The following NARS2 variants were observed in gnomAD, a reference collection of about 807,000 sequenced individuals.
NARS2 encodes the protein asparaginyl-tRNA synthetase 2, mitochondrial.
Under a neutral mutation model 62.9 loss-of-function variants are expected in NARS2, and 60 were observed. The observed-to-expected ratio is 0.95, with a 90% CI of 0.77 to 1.18. The LOEUF (loss-of-function observed/expected upper bound fraction) is 1.18. Ranked by LOEUF, NARS2 falls within the 50% of genes most tolerant of loss-of-function variation. NARS2 has a pLI of 0.00. For synonymous variants in NARS2, 196 were observed against 200.0 expected (o/e 0.98, Z 0.17); for missense variants, 619 against 576.4 (o/e 1.07, Z -0.76).
chr11:78,531,671 A>G (rs982911098), intron 5 of NARS2, among the ~76,000 whole-genome samples: 1 of 152,248 alleles, frequency 6.6e-6, no homozygotes, highest in African/African-American at 2.4e-5. Flanking sequence ...AATATCATTC[A>G]GCCATAAGGA....
chr11:78,450,132 A>G (rs1432891761), intron 11 of NARS2, among the ~76,000 whole-genome samples: 2 of 152,232 alleles, frequency 1.3e-5, no homozygotes, highest in East Asian at 1.9e-4. Context: ...AGGGAGAAGC[A>G]CAAACTATAT....
At chr11:78,524,390 C>T (rs867359478) in intron 6 of NARS2, among the ~76,000 whole-genome samples, 1 of 27,008 alleles carries the variant, frequency 3.7e-5, no homozygotes, top group Non-Finnish European at 3.5e-4. Context: ...TTTATTCCAA[C>T]AACAACAGTC....
At chr11:78,458,921 G>GT (rs1858275117) in intron 11 of NARS2, among the ~76,000 whole-genome samples, 1 of 149,784 alleles carries the variant, frequency 6.7e-6, no homozygotes, top group Non-Finnish European at 1.5e-5. Context: ...TTTTTTGTTT[G>GT]TTTGTTTGTT....
At chr11:78,441,436 G>C (rs1431813866) in intron 12 of NARS2, among the ~76,000 whole-genome samples, 2 of 152,178 alleles carry the variant, frequency 1.3e-5, no homozygotes, top group African/African-American at 4.8e-5. Context: ...ATTAGGCAGG[G>C]TGCAGCGGCT....
intron 7 of NARS2, among the ~76,000 whole-genome samples, chr11:78,487,550 A>T (rs1328599894): frequency 6.6e-6 from 1 of 152,136 alleles, no homozygotes; most frequent in Non-Finnish European, 1.5e-5. Flanking sequence ...TACGTAAAGA[A>T]ATAATGGCTG....
chr11:78,469,252 G>A lies in NARS2; in HGVS notation c.1021C>T (p.Pro341Ser). 1 of 1,606,872 alleles carries A rather than the reference G, an allele frequency of 6.2e-7. No homozygotes were observed. The highest frequency in any genetic ancestry group is 2.2e-5 in the East Asian group (1 of 44,788). ...KQASQNFTFT[P>S]EWGADLRTEH... Reference sequence around the variant, plus strand: ...ACATACACACAAAATACTACCTCTGGGGTAAAGGTGAAGTTCTGGGATGCT... The same window carrying A: ...ACATACACACAAAATACTACCTCTGAGGTAAAGGTGAAGTTCTGGGATGCT... Residue 341 changes from proline to serine, a missense_variant, in exon 10 of 14, where the codon CCA becomes TCA. Physicochemically the swap from Pro to Ser is moderately conservative, Grantham distance 74 (BLOSUM62 -1). Coordinates refer to ENST00000281038, the MANE Select transcript of NARS2 (RefSeq NM_024678.6).
intron 5 of NARS2, among the ~76,000 whole-genome samples, chr11:78,543,601 A>C (rs116637853): frequency 0.011 from 1,662 of 152,304 alleles, 26 homozygotes; most frequent in African/African-American, 0.038. Context: ...TCTATATTAA[A>C]AGTTCAAAAG....
intron 11 of NARS2, among the ~76,000 whole-genome samples, chr11:78,462,760 A>C (rs1858446828): frequency 6.6e-6 from 1 of 152,178 alleles, no homozygotes; most frequent in Non-Finnish European, 1.5e-5. Flanking sequence ...GCATCTAGTA[A>C]ACGGTGGCTA....
intron 11 of NARS2, among the ~76,000 whole-genome samples, chr11:78,456,953 A>C: frequency 6.6e-6 from 1 of 152,250 alleles, no homozygotes; most frequent in East Asian, 1.9e-4. Flanking sequence ...CATGCATATG[A>C]AGAAAAACTT....
chr11:78,475,118 CT>C (rs1232734580), intron 9 of NARS2, among the ~76,000 whole-genome samples: 1 of 132,890 alleles, frequency 7.5e-6, no homozygotes, highest in African/African-American at 3.4e-5. Context: ...ATTCTACTCA[CT>C]ACTTCTGTAG....
At chr11:78,467,809 C>T (rs1483596055) in intron 10 of NARS2, among the ~76,000 whole-genome samples, 1 of 151,904 alleles carries the variant, frequency 6.6e-6, no homozygotes, top group Non-Finnish European at 1.5e-5. Flanking sequence ...ATACATGTAT[C>T]AAATCATCAT....
At chr11:78,512,884 T>C (rs371517792) in intron 6 of NARS2, among the ~76,000 whole-genome samples, 7 of 152,202 alleles carry the variant, frequency 4.6e-5, no homozygotes, top group South Asian at 4.1e-4. Context: ...TCACGGAATA[T>C]TGGGTATCCA....
chr11:78,447,388 T>C (rs904986885), intron 11 of NARS2, among the ~76,000 whole-genome samples: 4 of 152,146 alleles, frequency 2.6e-5, no homozygotes, highest in Non-Finnish European at 5.9e-5. Context: ...GGAACTCTTA[T>C]ACACTGTTGG....
At chr11:78,497,883 T>C (rs1268006066) in intron 6 of NARS2, among the ~76,000 whole-genome samples, 1 of 152,198 alleles carries the variant, frequency 6.6e-6, no homozygotes, top group African/African-American at 2.4e-5. Context: ...TTCTTATCTT[T>C]ATTGCCAAAA....
intron 3 of NARS2, 25 bp downstream of exon 3, chr11:78,568,607 T>A (rs1003214016): frequency 6.2e-7 from 1 of 1,603,500 alleles, no homozygotes; most frequent in African/African-American, 1.3e-5. Flanking sequence ...CTAAACAGCC[T>A]CCACAAAAGT....
intron 13 of NARS2, among the ~76,000 whole-genome samples, chr11:78,438,084 T>C (rs1857466625): frequency 6.6e-6 from 1 of 151,926 alleles, no homozygotes; most frequent in Admixed American, 6.6e-5. Context: ...GCAACATAAC[T>C]TGTAGCCACT....
intron 7 of NARS2, among the ~76,000 whole-genome samples, chr11:78,489,136 A>C (rs1859706732): frequency 6.6e-6 from 1 of 152,204 alleles, no homozygotes; most frequent in Non-Finnish European, 1.5e-5. Context: ...ATGTCATCAA[A>C]ATTAAGGGGA....
intron 6 of NARS2, among the ~76,000 whole-genome samples, chr11:78,521,789 CAAAAAAAAA>C (rs58282524): frequency 4.1e-5 from 4 of 96,418 alleles, no homozygotes; most frequent in South Asian, 7.5e-4. Context: ...GACTCCGTCT[CAAAAAAAAA>C]AAAAAAAAAA....
chr11:78,481,073 A>C (rs1859333257), intron 7 of NARS2, among the ~76,000 whole-genome samples: 1 of 152,156 alleles, frequency 6.6e-6, no homozygotes, highest in African/African-American at 2.4e-5. Flanking sequence ...CACCTGCCTC[A>C]GTCTCCCAAA....
Sources: allele counts gnomAD v4.1 joint callset (sites outside exome capture counted in the v4.1 genomes callset), GRCh38; gene constraint gnomAD v4.1.1; transcripts MANE v1.5; gene names NCBI Gene and HGNC (gene_info 2026-07-23, HGNC 2026-07-21).